Variants in NTRK2 observed in about 807,000 individuals in gnomAD.
The protein encoded by NTRK2 is BDNF/NT-3 growth factors receptor.
NTRK2 carries 13 observed loss-of-function variants against 94.5 expected under a neutral mutation model. The ratio of observed to expected loss-of-function variants is 0.14; its 90% CI spans 0.09 to 0.22. The LOEUF (loss-of-function observed/expected upper bound fraction) is 0.22. Ranked by LOEUF, NTRK2 falls within the 10% of genes least tolerant of loss-of-function variation. NTRK2 has a pLI of 1.00. For missense variants in NTRK2, 639 were observed against 1,071.2 expected (o/e 0.60, Z 5.63); for synonymous variants, 372 against 407.4 (o/e 0.91, Z 1.05).
intron 12 of NTRK2, among the ~76,000 whole-genome samples, chr9:84,821,203 GTCTTT>G (rs928967459): frequency 9.2e-5 from 14 of 151,362 alleles, no homozygotes; most frequent in African/African-American, 2.2e-4. Flanking sequence ...AATATGCTTT[GTCTTT>G]TCTTTAATTT....
In NTRK2 at chr9:84,729,447, G is replaced by C. The variant is rs998800547; in HGVS notation, c.1159+1488G>C. Among the ~76,000 whole-genome samples the C allele has an allele frequency of 2.0e-5, 3 of 152,212 alleles. 1 individual carries two copies. ...TAAATCCCTAGCTTGCAGTGTGCAG[G>C]AAGTCATGTTTGAGGGAATAATAGC... On this transcript the variant is annotated intron_variant, in intron 9 of 18. Coordinates refer to ENST00000277120, the MANE Select transcript of NTRK2 (RefSeq NM_006180.6).
intron 17 of NTRK2, among the ~76,000 whole-genome samples, chr9:85,016,545 C>T (rs545783899): frequency 2.0e-5 from 3 of 152,254 alleles, no homozygotes; most frequent in African/African-American, 7.2e-5. Context: ...CCAAGTAGTA[C>T]GATACAAAAC....
intron 14 of NTRK2, chr9:84,875,426 G>T (rs2076026623): frequency 1.9e-6 from 2 of 1,062,174 alleles, no homozygotes; most frequent in Non-Finnish European, 2.3e-6. Flanking sequence ...AGGCTCTCTT[G>T]TTCTGACAAG....
chr9:84,793,794 G>A (rs533605230), intron 12 of NTRK2, among the ~76,000 whole-genome samples: 1 of 152,282 alleles, frequency 6.6e-6, no homozygotes, highest in South Asian at 2.1e-4. Context: ...TCAGTACACT[G>A]CAGCCCATGG....
At chr9:84,824,610 T>A (rs2073066369) in intron 12 of NTRK2, among the ~76,000 whole-genome samples, 1 of 152,224 alleles carries the variant, frequency 6.6e-6, no homozygotes, top group Non-Finnish European at 1.5e-5. Flanking sequence ...CAAGAGAGGC[T>A]GAGGCAGCTC....
intron 12 of NTRK2, among the ~76,000 whole-genome samples, chr9:84,832,955 T>G (rs2073653089): frequency 6.6e-6 from 1 of 152,044 alleles, no homozygotes; most frequent in Admixed American, 6.6e-5. Flanking sequence ...TCCTGCACAC[T>G]CTATGGAGCC....
chr9:85,014,307 G>C (rs1831974283), intron 17 of NTRK2, among the ~76,000 whole-genome samples: 1 of 152,204 alleles, frequency 6.6e-6, no homozygotes, highest in Non-Finnish European at 1.5e-5. Context: ...ATAGTGGGGA[G>C]AGCTAACCTG....
At chr9:84,928,946 G>C (rs1012386533) in intron 14 of NTRK2, among the ~76,000 whole-genome samples, 1 of 152,122 alleles carries the variant, frequency 6.6e-6, no homozygotes, top group African/African-American at 2.4e-5. Flanking sequence ...AAATGTCTCT[G>C]TTGAAAGTCC....
At chr9:84,679,749 G>A (rs2059279872) in intron 2 of NTRK2, among the ~76,000 whole-genome samples, 1 of 152,136 alleles carries the variant, frequency 6.6e-6, no homozygotes, top group African/African-American at 2.4e-5. Context: ...GGGCAAACAA[G>A]AGCCTGCTTC....
chr9:84,909,522 T>C (rs1451928149), intron 14 of NTRK2, among the ~76,000 whole-genome samples: 1 of 152,092 alleles, frequency 6.6e-6, no homozygotes, highest in Non-Finnish European at 1.5e-5. Context: ...TTTTCCAGAA[T>C]GACTGTACCC....
chr9:84,780,220 GT>G (rs2067436814), intron 12 of NTRK2, among the ~76,000 whole-genome samples: 1 of 152,030 alleles, frequency 6.6e-6, no homozygotes, highest in Non-Finnish European at 1.5e-5. Context: ...CCAGTTGTTT[GT>G]TTTTGTAAAT....
At chr9:84,707,351 T>TA (rs1363370521) in intron 4 of NTRK2, among the ~76,000 whole-genome samples, 1 of 152,186 alleles carries the variant, frequency 6.6e-6, no homozygotes, top group African/African-American at 2.4e-5. Flanking sequence ...GAGTTTTTTT[T>TA]ATCAATAAAA....
intron 17 of NTRK2, among the ~76,000 whole-genome samples, chr9:85,013,614 A>G (rs1024374300): frequency 1.8e-4 from 28 of 152,164 alleles, no homozygotes; most frequent in African/African-American, 6.3e-4. Flanking sequence ...TATAACATGT[A>G]ATAAATAAAT....
At chr9:84,995,257 G>A (rs979699328) in intron 17 of NTRK2, among the ~76,000 whole-genome samples, 6 of 151,960 alleles carry the variant, frequency 3.9e-5, no homozygotes, top group Non-Finnish European at 7.4e-5. Context: ...GTAGAGGACC[G>A]CACTTCCAAG....
At chr9:84,886,643 C>T (rs192071656) in intron 14 of NTRK2, among the ~76,000 whole-genome samples, 142 of 152,272 alleles carry the variant, frequency 9.3e-4, no homozygotes, top group African/African-American at 3.3e-3. Context: ...CACCTAATGC[C>T]GTTCCTTGAA....
At chr9:85,016,749 G>T in intron 17 of NTRK2, among the ~76,000 whole-genome samples, 1 of 152,090 alleles carries the variant, frequency 6.6e-6, no homozygotes, top group Non-Finnish European at 1.5e-5. Context: ...TACTAAATGG[G>T]CTTAGAAAAC....
intron 12 of NTRK2, among the ~76,000 whole-genome samples, chr9:84,824,572 ACC>A (rs983769781): frequency 2.0e-5 from 3 of 152,182 alleles, no homozygotes; most frequent in Non-Finnish European, 4.4e-5. Context: ...GGAGCCCCCA[ACC>A]CTGTAGGCAG....
chr9:84,688,781 A>G lies in NTRK2; in HGVS notation c.213-13378A>G, dbSNP rs575994849. Among the ~76,000 whole-genome samples the G allele has an allele frequency of 3.9e-5, 6 of 152,356 alleles. No individual in the cohort carries two copies. In the East Asian group the frequency reaches 9.6e-4, roughly 24 times the overall value. On this transcript the variant is annotated intron_variant, in intron 2 of 18. Transcript: ENST00000277120. ...TGCCTGAAAAGTTCCTTTCCTCACG[A>G]TGTCTTTTTTCCTGAATTGAAAAAT...
intron 12 of NTRK2, among the ~76,000 whole-genome samples, chr9:84,852,019 A>G (rs1016904680): frequency 3.9e-5 from 6 of 152,212 alleles, no homozygotes; most frequent in Admixed American, 1.3e-4. Context: ...AATGGAGAGC[A>G]CGGCCTTCCT....
Sources: gnomAD v4.1 joint callset for allele counts (sites outside exome capture counted in the v4.1 genomes callset) on GRCh38, gnomAD v4.1.1 for gene constraint, MANE v1.5 for transcripts, NCBI Gene and HGNC (gene_info 2026-07-23, HGNC 2026-07-21) for gene names.